OR9A4: variants seen among roughly 807,000 people sequenced by gnomAD.
The protein encoded by OR9A4 is olfactory receptor family 9 subfamily A member 4.
OR9A4 carries 16 observed loss-of-function variants against 17.1 expected under a neutral mutation model. The ratio of observed to expected loss-of-function variants is 0.94; its 90% confidence interval spans 0.64 to 1.43. The LOEUF (loss-of-function observed/expected upper bound fraction) is 1.43, where lower values mean the gene tolerates loss of function less well. Among genes scored for constraint, OR9A4 ranks in the 40% most tolerant of loss-of-function variants. OR9A4 has a pLI of 0.00. For synonymous variants in OR9A4, 167 were observed against 143.3 expected, an observed-to-expected ratio of 1.17 and a Z score of -1.18; for missense variants, 392 against 382.1, an observed-to-expected ratio of 1.03 and a Z score of -0.22.
In OR9A4 at chr7:141,919,451, TC is replaced by T; in HGVS notation, c.577del (p.Leu193PhefsTer9). ...TGCTCAAACTATCCTGCAATAATAC[TC>T]TTTTCACGGAGTTTATCCTCTTCTT... ...QLLKLSCNNT[L>X]FTEFILFLMA... On this transcript the variant is annotated frameshift_variant, in exon 2 of 2. Coordinates refer to ENST00000641559, the MANE Select transcript of OR9A4 (RefSeq NM_001001656.3). LOFTEE classifies it high-confidence loss of function. 6.2e-7 allele frequency: 1 copy of T among 1,614,196 alleles called. No homozygotes were observed. Among genetic ancestry groups the T allele is most frequent in the Non-Finnish European group, 8.5e-7 (1 of 1,180,046 alleles).
Position 141,917,594 on chromosome 7 carries a change from T to G in OR9A4, c.-31+958T>G, listed in dbSNP as rs533691641. ...GGAGGTCTTGTCTCTCTGCTGAAACTGGGGTGTTGAGAACTGGGAGATGCA... is the reference window on the plus strand; with the variant it reads ...GGAGGTCTTGTCTCTCTGCTGAAACGGGGGTGTTGAGAACTGGGAGATGCA... On this transcript the variant is annotated intron_variant, in intron 1 of 1. Transcript: ENST00000641559. 1.0e-3 allele frequency among the ~76,000 whole-genome samples: 153 copies of G among 152,280 alleles called. 1 individual carries two copies. The highest frequency in any genetic ancestry group is 6.8e-3 in the Middle Eastern group (2 of 294).
rs1158032377 is a variant in OR9A4, at chr7:141,919,413, G to T, written c.538G>T (p.Asp180Tyr). Residue 180 changes from aspartate (D) to tyrosine (Y), a missense_variant, in exon 2 of 2, where the codon GAC (aspartate) becomes TAC (tyrosine). Coordinates refer to ENST00000641559, the MANE Select transcript of OR9A4 (RefSeq NM_001001656.3). ...AAATGTGGTGAACAATTTTTTTTGT[G>T]ACCGAGGGCAATTGCTCAAACTATC... is the stretch of plus-strand genomic sequence containing the variant. ...KSNVVNNFFC[D>Y]RGQLLKLSCN... 1.9e-6 allele frequency: 3 copies of T among 1,613,754 alleles called. No individual in the cohort carries two copies. Among genetic ancestry groups the T allele is most frequent in the South Asian group, 2.2e-5 (2 of 91,080 alleles).
chr7:141,919,822 C>A lies in OR9A4; in HGVS notation c.*2C>A. On this transcript the variant is annotated 3_prime_UTR_variant, in exon 2 of 2. Coordinates refer to ENST00000641559, the MANE Select transcript of OR9A4 (RefSeq NM_001001656.3). ...TGCTGTCAACTATTCAGGAATTAGC[C>A]TTGCTCTGAGGACTTTTACATGGTA... 6.3e-7 allele frequency: 1 copy of A among 1,598,604 alleles called. No homozygotes were observed. Among genetic ancestry groups the A allele is most frequent in the East Asian group, 2.2e-5 (1 of 44,660 alleles).
chr7:141,920,006 C>G lies in OR9A4; in HGVS notation c.*186C>G, dbSNP rs1464984194. On this transcript the variant is annotated 3_prime_UTR_variant, in exon 2 of 2. Coordinates refer to ENST00000641559, the MANE Select transcript of OR9A4 (RefSeq NM_001001656.3). Reference sequence around the variant, plus strand: ...GCTTAGTTGTTACTTGAAACTCAGTCTATTATTTTTAAGACATGTCTTGCT... The same window carrying G: ...GCTTAGTTGTTACTTGAAACTCAGTGTATTATTTTTAAGACATGTCTTGCT... 1 of 513,594 alleles carries G rather than the reference C, an allele frequency of 1.9e-6. No individual in the cohort carries two copies. 31.8% of individuals were successfully genotyped at this position (513,594 alleles called of 1,614,324 possible).
At chr7:141,917,823 G>C (rs782093127) in intron 1 of OR9A4, among the ~76,000 whole-genome samples, 1 of 152,130 alleles carries the variant, frequency 6.6e-6, no homozygotes, top group Non-Finnish European at 1.5e-5. Flanking sequence ...GTCTGCGTGG[G>C]GGAGACACAG....
chr7:141,920,038 C>G lies in OR9A4; in HGVS notation c.*218C>G. 1 of 432,582 alleles carries G rather than the reference C, an allele frequency of 2.3e-6. No homozygotes were observed. Among genetic ancestry groups the G allele is most frequent in the Admixed American group, 4.0e-5 (1 of 25,048 alleles). 26.8% of individuals were successfully genotyped at this position (432,582 alleles called of 1,614,324 possible). A position where few individuals can be genotyped will look rare whatever the true frequency, so the allele number is the denominator to read the frequency against. On this transcript the variant is annotated 3_prime_UTR_variant, in exon 2 of 2. Coordinates refer to ENST00000641559, the MANE Select transcript of OR9A4 (RefSeq NM_001001656.3). ...TTTTAAGACATGTCTTGCTATCTAG[C>G]TATCTATCTATCATCTGCCTTTCTT... is the stretch of plus-strand genomic sequence containing the variant.
chr7:141,917,261 A>G (rs1554438849), intron 1 of OR9A4, among the ~76,000 whole-genome samples: 1 of 152,210 alleles, frequency 6.6e-6, no homozygotes, highest in Non-Finnish European at 1.5e-5. Flanking sequence ...GATAATTAGT[A>G]TGAAAAATGT....
At position 141,919,747 on chromosome 7, in the gene OR9A4, C is replaced by T; in HGVS notation, c.872C>T (p.Thr291Ile). ...VTPFLNPFIFTLRNDKVIEAL... is the reference protein window; with the variant it reads ...VTPFLNPFIFILRNDKVIEAL... ...CCTTTCCTCAATCCTTTCATCTTCA[C>T]CCTCCGGAATGATAAAGTCATAGAG... Residue 291 changes from threonine to isoleucine, a missense_variant, in exon 2 of 2, where the codon ACC becomes ATC. Physicochemically the swap from Thr to Ile is moderately conservative, Grantham distance 89. Transcript: ENST00000641559. The T allele has an allele frequency of 6.2e-7, 1 of 1,614,154 alleles. No homozygotes were observed. Among genetic ancestry groups the T allele is most frequent in the East Asian group, 2.2e-5 (1 of 44,876 alleles).
In OR9A4 at chr7:141,919,241, T is replaced by A; in HGVS notation, c.366T>A (p.Arg122=). 6.2e-7 allele frequency: 1 copy of A among 1,614,150 alleles called. No individual in the cohort carries two copies. The highest frequency in any genetic ancestry group is 8.5e-7 in the Non-Finnish European group (1 of 1,180,032). The part of the protein sequence containing the change: ...FALLGAMAVD[R]YVAVCNPLRY... ...TACTTGGAGCAATGGCTGTGGACCG[T>A]TATGTGGCTGTCTGTAACCCTCTGA... The change falls in exon 2 of 2, where the codon CGT becomes CGA. Residue 122 remains arginine (R), a synonymous_variant. Transcript: ENST00000641559.
chr7:141,918,481 A>C (rs1434357121), intron 1 of OR9A4, among the ~76,000 whole-genome samples: 2 of 152,244 alleles, frequency 1.3e-5, no homozygotes, highest in Non-Finnish European at 2.9e-5. Flanking sequence ...AAGGCAATTT[A>C]GTTCCACCCA....
rs1802254536 is a variant in OR9A4 at position 141,919,920 on chromosome 7, C to A, written c.*100C>A. On this transcript the variant is annotated 3_prime_UTR_variant, in exon 2 of 2. Transcript: ENST00000641559. ...CTTTGAACTGCATCATAATTATTGC[C>A]ATTATCAAATGATTTGCATGCAACA... 1 of 921,242 alleles carries A rather than the reference C, an allele frequency of 1.1e-6. No individual in the cohort carries two copies. Among genetic ancestry groups the A allele is most frequent in the East Asian group, 2.5e-5 (1 of 40,646 alleles). The allele number at this position is 921,242 out of a possible 1,614,324, so 57.1% of individuals were successfully genotyped here. A position where few individuals can be genotyped will look rare whatever the true frequency, so the allele number is the denominator to read the frequency against.
rs368716942 is a variant in OR9A4 at position 141,919,157 on chromosome 7, G to A, written c.282G>A (p.Leu94=). The A allele has an allele frequency of 1.2e-6, 2 of 1,614,082 alleles. No homozygotes were observed. Among genetic ancestry groups the A allele is most frequent in the Non-Finnish European group, 1.7e-6 (2 of 1,180,020 alleles). The stretch of plus-strand genomic sequence containing the variant: ...TCCCTGGGATGCAGACAATATATTT[G>A]TCTGCCTGTGTTGTCCAGCTCTTCT... ...LLLPGMQTIY[L]SACVVQLFLY... Residue 94 remains leucine, a synonymous_variant, in exon 2 of 2, where the codon TTG becomes TTA. Coordinates refer to ENST00000641559, the MANE Select transcript of OR9A4 (RefSeq NM_001001656.3).
At chr7:141,918,509 G>A (rs955519588) in intron 1 of OR9A4, among the ~76,000 whole-genome samples, 2 of 152,220 alleles carry the variant, frequency 1.3e-5, no homozygotes, top group Non-Finnish European at 2.9e-5. Context: ...AGAGGTGCTG[G>A]TGTAAGTGAA....
Position 141,919,091 on chromosome 7 carries a change from C to T in OR9A4, c.216C>T (p.Val72=), listed in dbSNP as rs782064340. The T allele has an allele frequency of 1.2e-6, 2 of 1,614,124 alleles. No individual in the cohort carries two copies. The highest frequency in any genetic ancestry group is 1.7e-6 in the Non-Finnish European group (2 of 1,180,002). ...ACCTCTCTGCCCTGGAGATCCTGGT[C>T]ACAACCATAATCGTCCCCGTGATGC... ...LGHLSALEIL[V]TTIIVPVMLW... The change falls in exon 2 of 2, where the codon GTC becomes GTT. Residue 72 remains valine (V), a synonymous_variant. Coordinates refer to ENST00000641559, the MANE Select transcript of OR9A4 (RefSeq NM_001001656.3).
At chr7:141,918,810 A>T in intron 1 of OR9A4, 36 bp from the exon 2 acceptor site, 1 of 1,180,248 alleles carries the variant, frequency 8.5e-7, no homozygotes, top group Non-Finnish European at 1.2e-6. Context: ...TAATCTTTTT[A>T]GGATAAGCGG....
rs782765930 is a variant in OR9A4 at position 141,919,252 on chromosome 7, T to G, written c.377T>G (p.Val126Gly). The G allele has an allele frequency of 5.4e-5, 87 of 1,614,052 alleles. 1 individual carries two copies. The African/African-American group carries it at 1.0e-3, about 19-fold the overall frequency. ...GAMAVDRYVA[V>G]CNPLRYNIIM... ...ATGGCTGTGGACCGTTATGTGGCTG[T>G]CTGTAACCCTCTGAGGTACAACATC... Residue 126 changes from valine to glycine, a missense_variant, in exon 2 of 2, where the codon GTC becomes GGC. Physicochemically the swap from Val to Gly is moderately radical, Grantham distance 109. Coordinates refer to ENST00000641559, the MANE Select transcript of OR9A4 (RefSeq NM_001001656.3).
At position 141,919,226 on chromosome 7, in the gene OR9A4, A is replaced by C. The variant is rs782263518; in HGVS notation, c.351A>C (p.Ala117=). The change falls in exon 2 of 2, where the codon GCA becomes GCC. Residue 117 remains alanine (A), a synonymous_variant. Transcript: ENST00000641559. ...VGTTEFALLG[A]MAVDRYVAVC... ...CAACAGAGTTCGCATTACTTGGAGC[A>C]ATGGCTGTGGACCGTTATGTGGCTG... is the stretch of plus-strand genomic sequence containing the variant. 6.2e-7 allele frequency: 1 copy of C among 1,614,136 alleles called. No individual in the cohort carries two copies. The highest frequency in any genetic ancestry group is 1.1e-5 in the South Asian group (1 of 91,070).
Position 141,920,304 on chromosome 7 carries a change from T to C in OR9A4, c.*484T>C, listed in dbSNP as rs76405610. The C allele has an allele frequency of 7.5e-3, 1,142 of 152,632 alleles. 14 individuals are homozygous for C. Among genetic ancestry groups the C allele is most frequent in the African/African-American group, 0.026 (1,065 of 41,568 alleles). 9.5% of individuals were successfully genotyped at this position (152,632 alleles called of 1,614,324 possible). On this transcript the variant is annotated 3_prime_UTR_variant, in exon 2 of 2. Transcript: ENST00000641559. ...TCAACTTTATGGAATGTGATTTATA[T>C]TTCAATAAAGCTTTTGAAAATAGTA...
chr7:141,918,395 G>A (rs1016759980), intron 1 of OR9A4, among the ~76,000 whole-genome samples: 3 of 152,172 alleles, frequency 2.0e-5, no homozygotes, highest in Admixed American at 6.5e-5. Context: ...GTGAGCCACC[G>A]CACCCAGCCA....
Sources: allele counts gnomAD v4.1 joint callset (sites outside exome capture counted in the v4.1 genomes callset), GRCh38; gene constraint gnomAD v4.1.1; transcripts MANE v1.5; gene names NCBI Gene and HGNC (gene_info 2026-07-23, HGNC 2026-07-21).